COL5A1: variants seen among roughly 807,000 people sequenced by gnomAD.
COL5A1 encodes collagen type V alpha 1 chain.
Under a neutral mutation model 263.7 loss-of-function variants are expected in COL5A1, and 16 were observed. The observed-to-expected ratio is 0.06, with a 90% CI of 0.04 to 0.09. COL5A1 has a LOEUF of 0.09. Among genes scored for constraint, COL5A1 ranks in the 10% least tolerant of loss-of-function variants. The pLI, the probability that COL5A1 is intolerant of heterozygous loss-of-function variation, is 1.00. For missense variants in COL5A1, 2,036 were observed against 2,540.5 expected, an observed-to-expected ratio of 0.80 and a Z score of 4.27; for synonymous variants, 1,012 against 1,004.5, an observed-to-expected ratio of 1.01 and a Z score of -0.14.
intron 57 of COL5A1, 151 bp from the exon 58 acceptor site, chr9:134,819,965 C>T: frequency 6.8e-6 from 5 of 730,560 alleles, no homozygotes; most frequent in Non-Finnish European, 1.2e-5. Flanking sequence ...TCACCTGGCC[C>T]CTCTGTTGAG....
intron 31 of COL5A1, among the ~76,000 whole-genome samples, chr9:134,786,557 G>A (rs369564815): frequency 2.6e-5 from 4 of 152,242 alleles, no homozygotes; most frequent in East Asian, 1.9e-4. Context: ...TGGGATGGTC[G>A]CCTCTCAACT....
intron 2 of COL5A1, among the ~76,000 whole-genome samples, chr9:134,692,441 A>G (rs1216715154): frequency 6.6e-6 from 1 of 152,130 alleles, no homozygotes; most frequent in Non-Finnish European, 1.5e-5. Context: ...CCTCACTTGG[A>G]CCTTGGCCCA....
chr9:134,767,094 G>A (rs746267082), intron 23 of COL5A1, 41 bp downstream of exon 23: 39 of 1,603,210 alleles, frequency 2.4e-5, no homozygotes, highest in South Asian at 7.8e-5. Context: ...GGATCCGGCC[G>A]TGGGAGGCAC....
intron 1 of COL5A1, among the ~76,000 whole-genome samples, chr9:134,658,999 C>G (rs567652055): frequency 6.6e-6 from 1 of 152,254 alleles, no homozygotes; most frequent in Non-Finnish European, 1.5e-5. Flanking sequence ...GTGTTTTATC[C>G]CGATGGCCTC....
At chr9:134,764,321 T>C (rs1246859158) in intron 20 of COL5A1, among the ~76,000 whole-genome samples, 1 of 59,638 alleles carries the variant, frequency 1.7e-5, no homozygotes, top group Non-Finnish European at 3.1e-5. Context: ...TTATAGGGGG[T>C]CAGGGGGCGG....
intron 1 of COL5A1, among the ~76,000 whole-genome samples, chr9:134,651,692 G>A (rs1831691269): frequency 6.6e-6 from 1 of 152,164 alleles, no homozygotes; most frequent in Non-Finnish European, 1.5e-5. Flanking sequence ...GGGGAGAGCC[G>A]GCCCGTTGCC....
intron 18 of COL5A1, among the ~76,000 whole-genome samples, chr9:134,759,574 A>C (rs1487612510): frequency 1.6e-5 from 2 of 121,858 alleles, no homozygotes; most frequent in East Asian, 5.6e-4. Context: ...TGCACACACC[A>C]CACACCCCCA....
chr9:134,760,596 ACACACCACACATGCACACACACACACC>A (rs1836352703), intron 18 of COL5A1, among the ~76,000 whole-genome samples: 1 of 122,494 alleles, frequency 8.2e-6, no homozygotes, highest in African/African-American at 3.3e-5. Flanking sequence ...ACACATGCAC[ACACACCACACATGCACACACACACACC>A]CACACACCCC....
chr9:134,673,925 A>G (rs1832616798), intron 1 of COL5A1, among the ~76,000 whole-genome samples: 1 of 152,248 alleles, frequency 6.6e-6, no homozygotes, highest in South Asian at 2.1e-4. Context: ...AATGTTCCAG[A>G]AAAGAAGACA....
Position 134,765,319 on chromosome 9 carries a change from C to T in COL5A1, c.2035-362C>T, listed in dbSNP as rs139258327. 9.9e-4 allele frequency among the ~76,000 whole-genome samples: 150 copies of T among 152,192 alleles called. No homozygotes were observed. Among genetic ancestry groups the T allele is most frequent in the African/African-American group, 3.4e-3 (141 of 41,514 alleles). Reference sequence around the variant, plus strand: ...TAATGAGGATAGGGCACAAGGGCTCCGTGCAGTGGAATGTTATAGCGTGGT... The same window carrying T: ...TAATGAGGATAGGGCACAAGGGCTCTGTGCAGTGGAATGTTATAGCGTGGT... On this transcript the variant is annotated intron_variant, in intron 20 of 65. Transcript: ENST00000371817. The surrounding 1 kb of genome is among the most constrained non-coding windows in gnomAD (Gnocchi z 5.1).
intron 11 of COL5A1, among the ~76,000 whole-genome samples, chr9:134,744,326 T>G (rs557456814): frequency 2.0e-5 from 3 of 149,718 alleles, no homozygotes; most frequent in Admixed American, 6.6e-5. Flanking sequence ...CATGCACTCA[T>G]GCACACACAC....
At chr9:134,768,722 A>G (rs1836768119) in intron 25 of COL5A1, among the ~76,000 whole-genome samples, 1 of 152,174 alleles carries the variant, frequency 6.6e-6, no homozygotes. Context: ...TGTGCTGATT[A>G]ATTACCGGAA....
At chr9:134,748,585 A>C (rs1835661619) in intron 11 of COL5A1, among the ~76,000 whole-genome samples, 1 of 152,212 alleles carries the variant, frequency 6.6e-6, no homozygotes, top group African/African-American at 2.4e-5. Flanking sequence ...GGCGGCAAAC[A>C]TGTTTTGGAT....
intron 48 of COL5A1, 147 bp downstream of exon 48, chr9:134,812,859 T>C: frequency 1.4e-6 from 1 of 706,002 alleles, no homozygotes. Flanking sequence ...TCTCTGTGTG[T>C]ACACAGAGAT....
chr9:134,741,364 C>T lies in COL5A1; in HGVS notation c.1494+2556C>T, dbSNP rs1835297999. Among the ~76,000 whole-genome samples, 3 of 152,158 alleles carry T rather than the reference C, an allele frequency of 2.0e-5. No individual in the cohort carries two copies. The highest frequency in any genetic ancestry group is 4.1e-4 in the South Asian group (2 of 4,830). On this transcript the variant is annotated intron_variant, in intron 11 of 65. Coordinates refer to ENST00000371817, the MANE Select transcript of COL5A1 (RefSeq NM_000093.5). This position sits in a 1 kb window ranked among gnomAD's most constrained non-coding sequence, Gnocchi z 4.5. ...AAAAACCAAAAAAAGTGCTTGGGTT[C>T]GGGAGCATATATACCATTTTAACAA...
chr9:134,771,505 C>CA (rs1836864939), intron 25 of COL5A1, among the ~76,000 whole-genome samples: 1 of 152,204 alleles, frequency 6.6e-6, no homozygotes, highest in African/African-American at 2.4e-5. Context: ...CCCTCCCACT[C>CA]ACTTGCTGCT....
chr9:134,651,465 C>T (rs1193260172), intron 1 of COL5A1, among the ~76,000 whole-genome samples: 1 of 152,106 alleles, frequency 6.6e-6, no homozygotes, highest in Non-Finnish European at 1.5e-5. Context: ...TGTGTTTGTG[C>T]CACTGCACTG....
intron 4 of COL5A1, among the ~76,000 whole-genome samples, chr9:134,708,252 C>G (rs1184638025): frequency 6.6e-6 from 1 of 152,150 alleles, no homozygotes; most frequent in Non-Finnish European, 1.5e-5. Flanking sequence ...AGGCACCCTG[C>G]TATGTCGTCT....
At position 134,821,547 on chromosome 9, in the gene COL5A1, G is replaced by C. The variant is rs1283131120; in HGVS notation, c.4555-550G>C. 6.6e-6 allele frequency among the ~76,000 whole-genome samples: 1 copy of C among 152,232 alleles called. No homozygotes were observed. The highest frequency in any genetic ancestry group is 1.5e-5 in the Non-Finnish European group (1 of 68,040). ...TGGCAAAGCTGGTCAAAGCTGTTCT[G>C]TGCCAGCAGCTCAGTCTGGGAGGGA... On this transcript the variant is annotated intron_variant, in intron 58 of 65. Transcript: ENST00000371817. The surrounding 1 kb of genome is among the most constrained non-coding windows in gnomAD (Gnocchi z 4.2).
Sources: allele counts gnomAD v4.1 joint callset (sites outside exome capture counted in the v4.1 genomes callset), GRCh38; gene constraint gnomAD v4.1.1; non-coding constraint Gnocchi (gnomAD v3.1); transcripts MANE v1.5; gene names NCBI Gene and HGNC (gene_info 2026-07-23, HGNC 2026-07-21).